The following CHST12 variants were observed in gnomAD, a reference collection of about 807,000 sequenced individuals.
CHST12 encodes the protein carbohydrate sulfotransferase 12, also known as carbohydrate (chondroitin 4) sulfotransferase 12.
In CHST12, 23 loss-of-function variants were observed where a neutral mutation model predicts 27.9. That is an observed-to-expected ratio of 0.82 (90% CI 0.59 to 1.17). The LOEUF is 1.17. CHST12 is among the 50% of genes most tolerant of loss of function. The probability of loss-of-function intolerance (pLI) is 0.00; values close to 1 mark genes in which losing one functional copy is unlikely to be tolerated. For synonymous variants in CHST12, 322 were observed against 273.0 expected (o/e 1.18, Z -1.77); for missense variants, 682 against 603.0 (o/e 1.13, Z -1.37).
At chr7:2,412,325 C>A (rs1271543441) in intron 1 of CHST12, among the ~76,000 whole-genome samples, 1 of 152,130 alleles carries the variant, frequency 6.6e-6, no homozygotes, top group Non-Finnish European at 1.5e-5. Flanking sequence ...TTCCAGGCAG[C>A]CCAGGACATG....
Position 2,444,873 on chromosome 7 carries a change from C to G in CHST12, c.*10989C>G, listed in dbSNP as rs1410402849. The G allele has an allele frequency of 6.6e-6, 1 of 152,186 alleles. No individual in the cohort carries two copies. The highest frequency in any genetic ancestry group is 1.9e-4 in the East Asian group (1 of 5,196). 9.4% of individuals were successfully genotyped at this position (152,186 alleles called of 1,614,324 possible). A position where few individuals can be genotyped will look rare whatever the true frequency, so the allele number is the denominator to read the frequency against. ...CTTCCCAGGAAAATTATAGTGGGAA[C>G]TCTGGCTTTGATGAAACTGCTTTTT... is the stretch of plus-strand genomic sequence containing the variant. On this transcript the variant is annotated 3_prime_UTR_variant, in exon 2 of 2. Transcript: ENST00000618655.
chr7:2,431,383 C>T (rs1011675226), intron 1 of CHST12, among the ~76,000 whole-genome samples: 31 of 152,206 alleles, frequency 2.0e-4, no homozygotes, highest in Non-Finnish European at 8.8e-5. Flanking sequence ...AAGTAGAGGG[C>T]CAACTTGCCC....
In CHST12 at chr7:2,433,329, C is replaced by G. The variant is rs1303985599; in HGVS notation, c.690C>G (p.Leu230=). 1.2e-5 allele frequency: 20 copies of G among 1,612,700 alleles called. No individual in the cohort carries two copies. The highest frequency in any genetic ancestry group is 1.6e-5 in the Non-Finnish European group (19 of 1,179,900). The change falls in exon 2 of 2, where the codon CTC becomes CTG. Residue 230 remains leucine, a synonymous_variant. Transcript: ENST00000618655. The surrounding 1 kb of genome is among the most constrained non-coding windows in gnomAD (Gnocchi z 6.1). ...WRRYGKLSRH[L]MKVKLKKYTK... ...GCTACGGGAAGCTCTCCCGCCACCT[C>G]ATGAAGGTCAAGCTCAAGAAGTACA...
chr7:2,422,621 C>T (rs929861597), intron 1 of CHST12, among the ~76,000 whole-genome samples: 4 of 151,766 alleles, frequency 2.6e-5, no homozygotes, highest in South Asian at 2.1e-4. Flanking sequence ...CTGCAAACTG[C>T]GACTCCCGGG....
chr7:2,412,845 A>G (rs545002267), intron 1 of CHST12, among the ~76,000 whole-genome samples: 1 of 152,320 alleles, frequency 6.6e-6, no homozygotes, highest in African/African-American at 2.4e-5. Flanking sequence ...ATCACTTTTA[A>G]CAACATGTTA....
intron 1 of CHST12, among the ~76,000 whole-genome samples, chr7:2,410,980 T>C (rs2115389190): frequency 6.6e-6 from 1 of 151,938 alleles, no homozygotes; most frequent in African/African-American, 2.4e-5. Context: ...AGGTGAGAGC[T>C]GATGGTGATT....
At chr7:2,430,380 A>G (rs1007801410) in intron 1 of CHST12, among the ~76,000 whole-genome samples, 1 of 152,046 alleles carries the variant, frequency 6.6e-6, no homozygotes, top group African/African-American at 2.4e-5. Flanking sequence ...CAGTGGCACA[A>G]TCTTGGCTCC....
chr7:2,407,363 AC>A (rs1315189207), intron 1 of CHST12, among the ~76,000 whole-genome samples: 1 of 152,090 alleles, frequency 6.6e-6, no homozygotes, highest in Non-Finnish European at 1.5e-5. Flanking sequence ...TGGGAGGATC[AC>A]TTGAGCCCAG....
intron 1 of CHST12, among the ~76,000 whole-genome samples, chr7:2,427,070 C>T (rs1782141905): frequency 7.2e-6 from 1 of 139,676 alleles, no homozygotes. Context: ...CTTTGCAAGG[C>T]CGAGGTGGCC....
Position 2,442,288 on chromosome 7 carries a change from CA to C in CHST12, c.*8405del, listed in dbSNP as rs1782626231. 1 of 152,262 alleles carries C rather than the reference CA, an allele frequency of 6.6e-6. No individual in the cohort carries two copies. The highest frequency in any genetic ancestry group is 1.5e-5 in the Non-Finnish European group (1 of 68,052). The allele number at this position is 152,262 out of a possible 1,614,324, so 9.4% of individuals were successfully genotyped here. On this transcript the variant is annotated 3_prime_UTR_variant, in exon 2 of 2. Transcript: ENST00000618655. The stretch of plus-strand genomic sequence containing the variant: ...TTTTATCCATTCACCCAGGGATGGA[CA>C]CCTGGGTTGCTTCCATCTCTCGGCT...
intron 1 of CHST12, among the ~76,000 whole-genome samples, chr7:2,419,881 T>C (rs1289621678): frequency 2.8e-5 from 4 of 143,564 alleles, no homozygotes; most frequent in African/African-American, 1.0e-4. Flanking sequence ...CCCCCTCCCC[T>C]GCCCCCACAA....
At chr7:2,405,258 A>C (rs1781493265) in intron 1 of CHST12, among the ~76,000 whole-genome samples, 1 of 152,124 alleles carries the variant, frequency 6.6e-6, no homozygotes, top group African/African-American at 2.4e-5. Context: ...CAGCCTGGCC[A>C]ACATGGTGAA....
intron 1 of CHST12, among the ~76,000 whole-genome samples, chr7:2,421,360 C>T (rs550126094): frequency 2.0e-5 from 3 of 151,434 alleles, no homozygotes; most frequent in Admixed American, 6.6e-5. Flanking sequence ...ATCCTCTCAC[C>T]TCAGCCTCCT....
rs10267898 is a variant in CHST12, at chr7:2,441,094, C to T, written c.*7210C>T. On this transcript the variant is annotated 3_prime_UTR_variant, in exon 2 of 2. Transcript: ENST00000618655. The stretch of plus-strand genomic sequence containing the variant: ...CCGTGAGAGCCTTGACCTGGGTCAG[C>T]AGGGGCGGCTGGGCTTGACTCGAGA... 0.16 allele frequency: 23,887 copies of T among 152,318 alleles called. 2,556 individuals are homozygous for T. The highest frequency in any genetic ancestry group is 0.3 in the African/African-American group (12,604 of 41,466). 9.4% of individuals were successfully genotyped at this position (152,318 alleles called of 1,614,324 possible). A position where few individuals can be genotyped will look rare whatever the true frequency, so the allele number is the denominator to read the frequency against.
intron 1 of CHST12, among the ~76,000 whole-genome samples, chr7:2,425,241 A>C (rs1252473062): frequency 6.9e-6 from 1 of 144,152 alleles, no homozygotes; most frequent in Non-Finnish European, 1.5e-5. Context: ...AAAAAAACGT[A>C]AAAAAACAAA....
rs1168278765 is a variant in CHST12, at chr7:2,446,613, C to G, written c.*12729C>G. On this transcript the variant is annotated 3_prime_UTR_variant, in exon 2 of 2. Transcript: ENST00000618655. ...ATGAGAATGAGATGTCCAGGGACCTCCCTGCTCCAGCTGGGACCTGTGGGG... is the reference window on the plus strand; with the variant it reads ...ATGAGAATGAGATGTCCAGGGACCTGCCTGCTCCAGCTGGGACCTGTGGGG... The G allele has an allele frequency of 1.3e-5, 2 of 152,946 alleles. No individual in the cohort carries two copies. The highest frequency in any genetic ancestry group is 4.8e-5 in the African/African-American group (2 of 41,472). The allele number at this position is 152,946 out of a possible 1,614,324, so 9.5% of individuals were successfully genotyped here. A position where few individuals can be genotyped will look rare whatever the true frequency, so the allele number is the denominator to read the frequency against.
chr7:2,409,347 G>T (rs1781605228), intron 1 of CHST12, among the ~76,000 whole-genome samples: 1 of 152,162 alleles, frequency 6.6e-6, no homozygotes, highest in African/African-American at 2.4e-5. Context: ...GGGCGTGGTG[G>T]TTCGCACCTG....
intron 1 of CHST12, among the ~76,000 whole-genome samples, chr7:2,417,373 G>A (rs1285440083): frequency 3.4e-5 from 5 of 148,126 alleles, no homozygotes; most frequent in Middle Eastern, 3.5e-3. Context: ...ACAGGTGTGC[G>A]CCACCATGTC....
chr7:2,427,382 T>G (rs1165556804), intron 1 of CHST12, among the ~76,000 whole-genome samples: 1 of 151,114 alleles, frequency 6.6e-6, no homozygotes, highest in Non-Finnish European at 1.5e-5. Flanking sequence ...GTATCTGCAG[T>G]CCCAGCTACT....
Sources: gnomAD v4.1 joint callset for allele counts (sites outside exome capture counted in the v4.1 genomes callset) on GRCh38, gnomAD v4.1.1 for gene constraint, Gnocchi (gnomAD v3.1) non-coding constraint, MANE v1.5 for transcripts, NCBI Gene and HGNC (gene_info 2026-07-23, HGNC 2026-07-21) for gene names.